TRNAU1AP: variants seen among roughly 807,000 people sequenced by gnomAD.
The protein encoded by TRNAU1AP is tRNA selenocysteine 1-associated protein 1.
TRNAU1AP carries 33 observed loss-of-function variants against 43.3 expected under a neutral mutation model. That is an observed-to-expected ratio of 0.76 (90% confidence interval 0.58 to 1.02). The LOEUF is 1.02. Ranked by LOEUF, TRNAU1AP falls within the 50% of genes least tolerant of loss-of-function variation. The pLI, the probability that TRNAU1AP is intolerant of heterozygous loss-of-function variation, is 0.00. For missense variants in TRNAU1AP, 290 were observed against 362.7 expected (o/e 0.80, Z 1.63); for synonymous variants, 143 against 129.1 (o/e 1.11, Z -0.73).
At chr1:28,553,507 A>G (rs1337437177) in intron 1 of TRNAU1AP, 133 bp from the exon 2 acceptor site, 3 of 804,370 alleles carry the variant, frequency 3.7e-6, no homozygotes, top group Admixed American at 5.3e-5. Context: ...CAGGCCGCTC[A>G]GTGGAGGCGA....
At chr1:28,559,123 G>A (rs1172885029) in intron 2 of TRNAU1AP, among the ~76,000 whole-genome samples, 1 of 151,570 alleles carries the variant, frequency 6.6e-6, no homozygotes, top group African/African-American at 2.4e-5. Context: ...CCAGGCTGGA[G>A]TGCAGTGGCG....
At chr1:28,561,002 C>A (rs1425823011) in intron 3 of TRNAU1AP, 16 of 1,276,816 alleles carry the variant, frequency 1.3e-5, no homozygotes, top group Non-Finnish European at 1.3e-5. Context: ...ATTGCTGCCT[C>A]CCATAACCGA....
chr1:28,554,613 A>G lies in TRNAU1AP; in HGVS notation c.125+876A>G, dbSNP rs181068561. Among the ~76,000 whole-genome samples, 399 of 151,922 alleles carry G rather than the reference A, an allele frequency of 2.6e-3. 1 individual carries two copies. Among genetic ancestry groups the G allele is most frequent in the African/African-American group, 9.3e-3 (384 of 41,434 alleles). ...TCCTAGCACTTTGGGAGGCCGAGGC[A>G]GGCCGGATCACGAGGTCAGGAGATT... On this transcript the variant is annotated intron_variant, in intron 2 of 8. Coordinates refer to ENST00000373830, the MANE Select transcript of TRNAU1AP (RefSeq NM_017846.5).
intron 8 of TRNAU1AP, among the ~76,000 whole-genome samples, chr1:28,576,011 C>A (rs1341596362): frequency 6.8e-6 from 1 of 148,076 alleles, no homozygotes; most frequent in East Asian, 2.0e-4. Flanking sequence ...CAGGCGTGCA[C>A]TGCCATACCC....
At chr1:28,553,224 G>A in intron 1 of TRNAU1AP, 87 bp downstream of exon 1, 1 of 1,359,448 alleles carries the variant, frequency 7.4e-7, no homozygotes, top group Non-Finnish European at 9.8e-7. Flanking sequence ...GAGGGGACTT[G>A]GGATCCCAGA....
intron 2 of TRNAU1AP, among the ~76,000 whole-genome samples, chr1:28,559,608 C>T (rs754519448): frequency 7.3e-5 from 11 of 151,522 alleles, no homozygotes; most frequent in Non-Finnish European, 1.6e-4. Context: ...TGCAGTGAGC[C>T]AAGATTGCGT....
chr1:28,577,701 G>A lies in TRNAU1AP; in HGVS notation c.*65G>A. 1 of 1,507,112 alleles carries A rather than the reference G, an allele frequency of 6.6e-7. No individual in the cohort carries two copies. Among genetic ancestry groups the A allele is most frequent in the East Asian group, 2.3e-5 (1 of 42,828 alleles). The allele number at this position is 1,507,112 out of a possible 1,614,324, so 93.4% of individuals were successfully genotyped here. A position where few individuals can be genotyped will look rare whatever the true frequency, so the allele number is the denominator to read the frequency against. ...GATGAGAGACTCCTTTTTAAAAATTGTGAAACCTTTTTGGAAATATGATTT... is the reference window on the plus strand; with the variant it reads ...GATGAGAGACTCCTTTTTAAAAATTATGAAACCTTTTTGGAAATATGATTT... On this transcript the variant is annotated 3_prime_UTR_variant, in exon 9 of 9. Transcript: ENST00000373830.
chr1:28,572,926 C>G (rs1457103599), intron 8 of TRNAU1AP, among the ~76,000 whole-genome samples: 1 of 149,240 alleles, frequency 6.7e-6, no homozygotes, highest in Non-Finnish European at 1.5e-5. Flanking sequence ...CAGAGCGAGA[C>G]TCCGTCTCAA....
chr1:28,576,746 T>C (rs1371015808), intron 8 of TRNAU1AP, among the ~76,000 whole-genome samples: 1 of 152,216 alleles, frequency 6.6e-6, no homozygotes, highest in Non-Finnish European at 1.5e-5. Context: ...ATTATAGGCA[T>C]GTGCCACCAT....
chr1:28,559,616 C>T lies in TRNAU1AP; in HGVS notation c.126-1017C>T, dbSNP rs183187900. ...TGGAGGTTGCAGTGAGCCAAGATTG[C>T]GTCATTGCACTCCAGCCTGGGCAAC... On this transcript the variant is annotated intron_variant, in intron 2 of 8. Transcript: ENST00000373830. Among the ~76,000 whole-genome samples the T allele has an allele frequency of 2.2e-3, 339 of 151,778 alleles. 1 individual carries two copies. Among genetic ancestry groups the T allele is most frequent in the African/African-American group, 7.7e-3 (317 of 41,388 alleles).
At chr1:28,556,334 C>A in intron 2 of TRNAU1AP, among the ~76,000 whole-genome samples, 1 of 151,550 alleles carries the variant, frequency 6.6e-6, no homozygotes, top group South Asian at 2.1e-4. Flanking sequence ...TGTGGTGAGA[C>A]ACACCTGTAA....
intron 4 of TRNAU1AP, among the ~76,000 whole-genome samples, chr1:28,562,875 C>T (rs1333190838): frequency 6.8e-6 from 1 of 146,468 alleles, no homozygotes; most frequent in Non-Finnish European, 1.5e-5. Flanking sequence ...GCCATCGTGC[C>T]TGGACTGTGC....
chr1:28,566,491 G>A (rs548334384), intron 5 of TRNAU1AP, among the ~76,000 whole-genome samples: 2 of 151,866 alleles, frequency 1.3e-5, no homozygotes, highest in African/African-American at 4.8e-5. Flanking sequence ...GGTGGCTCAT[G>A]CCTGTAATCC....
At chr1:28,560,852 A>T (rs941204815) in intron 3 of TRNAU1AP, 120 bp downstream of exon 3, 1 of 949,470 alleles carries the variant, frequency 1.1e-6, no homozygotes, top group African/African-American at 1.7e-5. Flanking sequence ...TACAGTAGGC[A>T]TTGTTATCTT....
chr1:28,562,412 C>T (rs1665431508), intron 4 of TRNAU1AP, among the ~76,000 whole-genome samples: 2 of 150,986 alleles, frequency 1.3e-5, no homozygotes, highest in Admixed American at 1.3e-4. Flanking sequence ...AAGATATTGG[C>T]AATATGTTGA....
intron 3 of TRNAU1AP, 110 bp from the exon 4 acceptor site, chr1:28,561,234 TAG>T: frequency 6.6e-7 from 1 of 1,520,028 alleles, no homozygotes; most frequent in Non-Finnish European, 8.8e-7. Context: ...AGCTGAGGCT[TAG>T]AGAGGGGGAG....
chr1:28,557,247 G>A (rs1461956762), intron 2 of TRNAU1AP, among the ~76,000 whole-genome samples: 1 of 151,236 alleles, frequency 6.6e-6, no homozygotes, highest in Non-Finnish European at 1.5e-5. Context: ...GTGAAACCCC[G>A]TCTCTACTAA....
At chr1:28,571,130 C>T (rs373896346) in intron 6 of TRNAU1AP, 46 bp from the exon 7 acceptor site, 40 of 1,590,834 alleles carry the variant, frequency 2.5e-5, no homozygotes, top group Non-Finnish European at 3.4e-5. Flanking sequence ...GGCAGTGTTA[C>T]GGAAATGTTT....
intron 2 of TRNAU1AP, among the ~76,000 whole-genome samples, chr1:28,558,374 C>G (rs1382826678): frequency 6.6e-6 from 1 of 151,118 alleles, no homozygotes; most frequent in South Asian, 2.1e-4. Flanking sequence ...ACCACCCCAC[C>G]CAGCTAATTT....
Sources: gnomAD v4.1 joint callset for allele counts (sites outside exome capture counted in the v4.1 genomes callset) on GRCh38, gnomAD v4.1.1 for gene constraint, MANE v1.5 for transcripts, NCBI Gene and HGNC (gene_info 2026-07-23, HGNC 2026-07-21) for gene names.